The following ELF5 variants were observed in gnomAD, a reference collection of about 807,000 sequenced individuals.
ELF5 encodes the protein E74 like ETS transcription factor 5, also known as ETS-related transcription factor Elf-5.
A neutral mutation model predicts 38.2 loss-of-function variants in ELF5; 31 were observed. That is an observed-to-expected ratio of 0.81 (90% CI 0.61 to 1.10). The LOEUF (loss-of-function observed/expected upper bound fraction) is 1.10, where lower values mean the gene tolerates loss of function less well. ELF5 is among the 50% of genes least tolerant of loss of function. The probability of loss-of-function intolerance (pLI) is 0.00; values close to 1 mark genes in which losing one functional copy is unlikely to be tolerated. For missense variants in ELF5, 300 were observed against 306.6 expected, an observed-to-expected ratio of 0.98 and a Z score of 0.16; for synonymous variants, 121 against 112.5, an observed-to-expected ratio of 1.08 and a Z score of -0.48.
At chr11:34,495,603 C>G (rs1357303170) in intron 2 of ELF5, among the ~76,000 whole-genome samples, 2 of 152,238 alleles carry the variant, frequency 1.3e-5, no homozygotes, top group Non-Finnish European at 2.9e-5. Flanking sequence ...GGTGGAGGGG[C>G]AGTTGATTTA....
intron 1 of ELF5, chr11:34,511,591 C>T: frequency 1.2e-6 from 2 of 1,614,208 alleles, no homozygotes; most frequent in Non-Finnish European, 8.5e-7. Context: ...TCCCCAGATG[C>T]CTCCAGTGGC....
chr11:34,496,716 G>C (rs1056472803), intron 2 of ELF5, among the ~76,000 whole-genome samples: 1 of 152,182 alleles, frequency 6.6e-6, no homozygotes, highest in African/African-American at 2.4e-5. Flanking sequence ...TTGGAGCCTG[G>C]CCTAGCCCAC....
At chr11:34,503,832 T>C (rs1272453952) in intron 2 of ELF5, among the ~76,000 whole-genome samples, 1 of 152,222 alleles carries the variant, frequency 6.6e-6, no homozygotes, top group East Asian at 1.9e-4. Context: ...TGATAACTCA[T>C]TTCATTAGCA....
chr11:34,484,482 A>ATCCTATC (rs1857028910), intron 4 of ELF5, among the ~76,000 whole-genome samples: 1 of 21,200 alleles, frequency 4.7e-5, no homozygotes, highest in African/African-American at 1.0e-4. Flanking sequence ...CACTATACTA[A>ATCCTATC]CTATACTATA....
chr11:34,491,035 C>A (rs909373935), intron 3 of ELF5, among the ~76,000 whole-genome samples: 1 of 152,110 alleles, frequency 6.6e-6, no homozygotes, highest in Non-Finnish European at 1.5e-5. Context: ...GGTGCTGAGG[C>A]CTTACAACCC....
intron 1 of ELF5, 102 bp from the exon 2 acceptor site, chr11:34,505,855 A>G: frequency 2.9e-6 from 4 of 1,391,206 alleles, no homozygotes; most frequent in East Asian, 2.5e-5. Flanking sequence ...TTTAAAAATG[A>G]TAACAAATAT....
intron 2 of ELF5, among the ~76,000 whole-genome samples, chr11:34,504,941 A>AT (rs907175523): frequency 9.2e-5 from 14 of 152,274 alleles, no homozygotes; most frequent in African/African-American, 3.4e-4. Flanking sequence ...CAGGCTACAT[A>AT]TTTACACCCT....
intron 2 of ELF5, among the ~76,000 whole-genome samples, chr11:34,496,322 C>G (rs557612624): frequency 7.9e-5 from 12 of 152,260 alleles, no homozygotes; most frequent in Non-Finnish European, 1.6e-4. Flanking sequence ...TCCTCATCCG[C>G]AAGCTCCTTC....
At chr11:34,501,279 G>C (rs761644804) in intron 2 of ELF5, among the ~76,000 whole-genome samples, 16 of 152,116 alleles carry the variant, frequency 1.1e-4, no homozygotes, top group Non-Finnish European at 2.4e-4. Context: ...CTTCTCTGGT[G>C]GTCCCTAAGG....
rs752473340 is a variant in ELF5, at chr11:34,480,893, C to T, written c.550G>A (p.Glu184Lys). 6.2e-7 allele frequency: 1 copy of T among 1,614,152 alleles called. No homozygotes were observed. Among genetic ancestry groups the T allele is most frequent in the Non-Finnish European group, 8.5e-7 (1 of 1,180,044 alleles). The stretch of plus-strand genomic sequence containing the variant: ...ATTCCTTGTTCCCTATCTTCCCATT[C>T]CAGAATGCCACAGTTTTCTTCAGGA... ...LSPEENCGIL[E>K]WEDREQGIFR... Residue 184 changes from glutamate (E) to lysine (K), a missense_variant, in exon 6 of 7, where the codon GAA (glutamate) becomes AAA (lysine). By Grantham distance (56) the Glu-to-Lys change is moderately conservative. Coordinates refer to ENST00000257832, the MANE Select transcript of ELF5 (RefSeq NM_001422.4).
chr11:34,508,923 A>G (rs1334432457), intron 1 of ELF5, among the ~76,000 whole-genome samples: 1 of 152,228 alleles, frequency 6.6e-6, no homozygotes, highest in Non-Finnish European at 1.5e-5. Context: ...GCACACTTAT[A>G]TAGCAAATCA....
At chr11:34,508,686 G>A (rs1034026750) in intron 1 of ELF5, among the ~76,000 whole-genome samples, 1 of 152,164 alleles carries the variant, frequency 6.6e-6, no homozygotes, top group African/African-American at 2.4e-5. Flanking sequence ...CATCTGGCAT[G>A]TTGCCAGTTG....
At chr11:34,508,258 T>C (rs1271407165) in intron 1 of ELF5, among the ~76,000 whole-genome samples, 1 of 152,126 alleles carries the variant, frequency 6.6e-6, no homozygotes, top group Non-Finnish European at 1.5e-5. Context: ...TCCCAGCACT[T>C]TGGGAGGCCG....
chr11:34,511,371 C>A (rs1850750916), intron 1 of ELF5, among the ~76,000 whole-genome samples: 1 of 152,172 alleles, frequency 6.6e-6, no homozygotes, highest in African/African-American at 2.4e-5. Flanking sequence ...CTTAAACACT[C>A]TGGACCCTCA....
At position 34,482,410 on chromosome 11, in the gene ELF5, A is replaced by T. The variant is rs751733067; in HGVS notation, c.475+21T>A. 116 of 1,608,478 alleles carry T rather than the reference A, an allele frequency of 7.2e-5. 3 individuals are homozygous for T. In the East Asian group the frequency reaches 2.6e-3, roughly 36 times the overall value. Reference sequence around the variant, plus strand: ...GAATGGTTTTAAGAAATTAGAATGAAAACTGGCATCCTGCACTTACTTGTT... The same window carrying T: ...GAATGGTTTTAAGAAATTAGAATGATAACTGGCATCCTGCACTTACTTGTT... On this transcript the variant is annotated intron_variant, in intron 5 of 6. Coordinates refer to ENST00000257832, the MANE Select transcript of ELF5 (RefSeq NM_001422.4).
At chr11:34,484,002 T>C (rs1010826984) in intron 4 of ELF5, among the ~76,000 whole-genome samples, 6 of 151,588 alleles carry the variant, frequency 4.0e-5, no homozygotes, top group Non-Finnish European at 8.8e-5. Context: ...TACTATACTA[T>C]ATTAACTGTA....
chr11:34,480,210 G>T lies in ELF5; in HGVS notation c.*8C>A. 6.2e-7 allele frequency: 1 copy of T among 1,611,298 alleles called. No individual in the cohort carries two copies. Among genetic ancestry groups the T allele is most frequent in the South Asian group, 1.1e-5 (1 of 90,978 alleles). Reference sequence around the variant, plus strand: ...AATCCATAAAATGAGCTTGATGCCTGGAGCAGATCATAGCTTGTCTTCCTG... The same window carrying T: ...AATCCATAAAATGAGCTTGATGCCTTGAGCAGATCATAGCTTGTCTTCCTG... On this transcript the variant is annotated 3_prime_UTR_variant, in exon 7 of 7. Coordinates refer to ENST00000257832, the MANE Select transcript of ELF5 (RefSeq NM_001422.4).
chr11:34,506,547 C>T (rs1042853816), intron 1 of ELF5, among the ~76,000 whole-genome samples: 2 of 152,122 alleles, frequency 1.3e-5, no homozygotes, highest in Admixed American at 6.6e-5. Flanking sequence ...TGTAATCCTG[C>T]TCTGTCGCCA....
At chr11:34,484,442 G>C (rs1160219837) in intron 4 of ELF5, among the ~76,000 whole-genome samples, 2 of 144,736 alleles carry the variant, frequency 1.4e-5, no homozygotes, top group Non-Finnish European at 3.0e-5. Context: ...GCACTGTACT[G>C]TAGTATACTA....
Sources: gnomAD v4.1 joint callset for allele counts (sites outside exome capture counted in the v4.1 genomes callset) on GRCh38, gnomAD v4.1.1 for gene constraint, MANE v1.5 for transcripts, NCBI Gene and HGNC (gene_info 2026-07-23, HGNC 2026-07-21) for gene names.